Variants in NHLRC4 observed in about 807,000 individuals in gnomAD.
NHLRC4 encodes NHL-repeat-containing protein 4.
For synonymous variants in NHLRC4, 73 were observed against 69.0 expected, an observed-to-expected ratio of 1.06 and a Z score of -0.29; for missense variants, 158 against 155.4, an observed-to-expected ratio of 1.02 and a Z score of -0.09.
chr16:568,541 G>A lies in NHLRC4; in HGVS notation c.*122G>A. 2 of 1,131,764 alleles carry A rather than the reference G, an allele frequency of 1.8e-6. No individual in the cohort carries two copies. Among genetic ancestry groups the A allele is most frequent in the Non-Finnish European group, 2.5e-6 (2 of 811,152 alleles). 70.1% of individuals were successfully genotyped at this position (1,131,764 alleles called of 1,614,324 possible). A position where few individuals can be genotyped will look rare whatever the true frequency, so the allele number is the denominator to read the frequency against. Reference sequence around the variant, plus strand: ...AGGCTATGGGCATTGCCTGCCTGATGCCAGCACCACCTGGGCTGGGCCCTG... The same window carrying A: ...AGGCTATGGGCATTGCCTGCCTGATACCAGCACCACCTGGGCTGGGCCCTG... On this transcript the variant is annotated 3_prime_UTR_variant, in exon 2 of 2. Transcript: ENST00000424439.
chr16:569,470 T>G lies in NHLRC4; in HGVS notation c.*1051T>G, dbSNP rs757749762. ...GGACTAACTGCGCAATGTAGTTAGG[T>G]GCTCAATAAACGGAGTTGCCGCTGA... On this transcript the variant is annotated 3_prime_UTR_variant, in exon 2 of 2. Coordinates refer to ENST00000424439, the MANE Select transcript of NHLRC4 (RefSeq NM_001301159.2). The G allele has an allele frequency of 6.0e-6, 1 of 166,414 alleles. No individual in the cohort carries two copies. Among genetic ancestry groups the G allele is most frequent in the Non-Finnish European group, 1.5e-5 (1 of 68,160 alleles). The allele number at this position is 166,414 out of a possible 1,614,324, so 10.3% of individuals were successfully genotyped here. A position where few individuals can be genotyped will look rare whatever the true frequency, so the allele number is the denominator to read the frequency against.
chr16:568,038 C>A lies in NHLRC4; in HGVS notation c.-10C>A, dbSNP rs377522971. ...TGGGTCCTGCTTGGGAGCCCCTGGC[C>A]CCAGCCTCCATGCTGGGTCTGGAGG... On this transcript the variant is annotated 5_prime_UTR_variant, in exon 2 of 2. Transcript: ENST00000424439. The A allele has an allele frequency of 6.0e-5, 91 of 1,512,520 alleles. No individual in the cohort carries two copies. The highest frequency in any genetic ancestry group is 7.2e-5 in the Non-Finnish European group (82 of 1,135,932). The allele number at this position is 1,512,520 out of a possible 1,614,324, so 93.7% of individuals were successfully genotyped here.
In NHLRC4 at chr16:569,080, G is replaced by C. The variant is rs1327891340; in HGVS notation, c.*661G>C. 6.0e-6 allele frequency: 1 copy of C among 167,292 alleles called. No homozygotes were observed. The highest frequency in any genetic ancestry group is 1.5e-5 in the Non-Finnish European group (1 of 68,402). 10.4% of individuals were successfully genotyped at this position (167,292 alleles called of 1,614,324 possible). Reference sequence around the variant, plus strand: ...TTCCGCGTCCCCATGAATGAAAGCTGTCTGGGCCTTCATTCTGCAGACAGG... The same window carrying C: ...TTCCGCGTCCCCATGAATGAAAGCTCTCTGGGCCTTCATTCTGCAGACAGG... On this transcript the variant is annotated 3_prime_UTR_variant, in exon 2 of 2. Coordinates refer to ENST00000424439, the MANE Select transcript of NHLRC4 (RefSeq NM_001301159.2).
chr16:567,702 C>T lies in NHLRC4; in HGVS notation c.-346C>T. 4.2e-6 allele frequency: 1 copy of T among 236,884 alleles called. No individual in the cohort carries two copies. Among genetic ancestry groups the T allele is most frequent in the South Asian group, 8.4e-5 (1 of 11,880 alleles). The allele number at this position is 236,884 out of a possible 1,614,324, so 14.7% of individuals were successfully genotyped here. On this transcript the variant is annotated 5_prime_UTR_variant, in exon 2 of 2. Coordinates refer to ENST00000424439, the MANE Select transcript of NHLRC4 (RefSeq NM_001301159.2). ...ACTGCTCCCCCGATGGCCTGCTCTT[C>T]CTCACGGCCGGGGCTGCACCCTGTG...
At position 568,562 on chromosome 16, in the gene NHLRC4, C is replaced by A; in HGVS notation, c.*143C>A. 1 of 972,292 alleles carries A rather than the reference C, an allele frequency of 1.0e-6. No homozygotes were observed. The highest frequency in any genetic ancestry group is 1.5e-6 in the Non-Finnish European group (1 of 667,548). 60.2% of individuals were successfully genotyped at this position (972,292 alleles called of 1,614,324 possible). A position where few individuals can be genotyped will look rare whatever the true frequency, so the allele number is the denominator to read the frequency against. ...TGATGCCAGCACCACCTGGGCTGGG[C>A]CCTGGGCTTGGCTCGAGTTCTCCTG... On this transcript the variant is annotated 3_prime_UTR_variant, in exon 2 of 2. Coordinates refer to ENST00000424439, the MANE Select transcript of NHLRC4 (RefSeq NM_001301159.2).
rs2035574740 is a variant in NHLRC4 at position 568,881 on chromosome 16, G to T, written c.*462G>T. Reference sequence around the variant, plus strand: ...AGACAGGCAGGGAGGGTGTGGCTGGGCTGGGCTGGGCGGGGCGGCCTGGGG... The same window carrying T: ...AGACAGGCAGGGAGGGTGTGGCTGGTCTGGGCTGGGCGGGGCGGCCTGGGG... On this transcript the variant is annotated 3_prime_UTR_variant, in exon 2 of 2. Transcript: ENST00000424439. 6.0e-6 allele frequency: 1 copy of T among 167,808 alleles called. No individual in the cohort carries two copies. The highest frequency in any genetic ancestry group is 5.5e-5 in the Admixed American group (1 of 18,050). The allele number at this position is 167,808 out of a possible 1,614,324, so 10.4% of individuals were successfully genotyped here. A position where few individuals can be genotyped will look rare whatever the true frequency, so the allele number is the denominator to read the frequency against.
rs764314248 is a variant in NHLRC4, at chr16:567,783, G to C, written c.-265G>C. On this transcript the variant is annotated 5_prime_UTR_variant, in exon 2 of 2. Coordinates refer to ENST00000424439, the MANE Select transcript of NHLRC4 (RefSeq NM_001301159.2). Reference sequence around the variant, plus strand: ...TCTGCCTCCTGCCCTGCCGCACTCCGGGGAGCGGGGCCTTCGTTCCAGAGG... The same window carrying C: ...TCTGCCTCCTGCCCTGCCGCACTCCCGGGAGCGGGGCCTTCGTTCCAGAGG... 4.6e-4 allele frequency: 213 copies of C among 458,208 alleles called. No individual in the cohort carries two copies. The highest frequency in any genetic ancestry group is 7.4e-4 in the Non-Finnish European group (192 of 257,840). 28.4% of individuals were successfully genotyped at this position (458,208 alleles called of 1,614,324 possible).
Position 568,508 on chromosome 16 carries a change from G to A in NHLRC4, c.*89G>A. On this transcript the variant is annotated 3_prime_UTR_variant, in exon 2 of 2. Transcript: ENST00000424439. Reference sequence around the variant, plus strand: ...GCGGGAGGAACCCTCAGGATGGGTGGAGCCTCCAGGCTATGGGCATTGCCT... The same window carrying A: ...GCGGGAGGAACCCTCAGGATGGGTGAAGCCTCCAGGCTATGGGCATTGCCT... The A allele has an allele frequency of 2.1e-6, 3 of 1,408,176 alleles. No individual in the cohort carries two copies. In the South Asian group the frequency reaches 4.4e-5, roughly 20 times the overall value. 87.2% of individuals were successfully genotyped at this position (1,408,176 alleles called of 1,614,324 possible).
chr16:568,334 C>G lies in NHLRC4; in HGVS notation c.287C>G (p.Ala96Gly), dbSNP rs79767735. The G allele has an allele frequency of 2.0e-3, 3,267 of 1,611,312 alleles. 58 individuals carry two copies. The African/African-American group carries it at 0.038, about 19-fold the overall frequency. Residue 96 changes from alanine (A) to glycine (G), a missense_variant, in exon 2 of 2, where the codon GCC (alanine) becomes GGC (glycine). By Grantham distance (60) the Ala-to-Gly change is moderately conservative (BLOSUM62 0). Transcript: ENST00000424439. Reference sequence around the variant, plus strand: ...GGGCTTGGGCAGCCCTTGGGAGTGGCCTGTGCACCCCAGGGCCAGCTCCTG... The same window carrying G: ...GGGCTTGGGCAGCCCTTGGGAGTGGGCTGTGCACCCCAGGGCCAGCTCCTG... ...SEGLGQPLGV[A>G]CAPQGQLLVA... is the part of the protein sequence containing the mutation.
Position 568,574 on chromosome 16 carries a change from C to A in NHLRC4, c.*155C>A. 1 of 837,052 alleles carries A rather than the reference C, an allele frequency of 1.2e-6. No individual in the cohort carries two copies. Among genetic ancestry groups the A allele is most frequent in the Non-Finnish European group, 1.8e-6 (1 of 545,148 alleles). 51.9% of individuals were successfully genotyped at this position (837,052 alleles called of 1,614,324 possible). A position where few individuals can be genotyped will look rare whatever the true frequency, so the allele number is the denominator to read the frequency against. On this transcript the variant is annotated 3_prime_UTR_variant, in exon 2 of 2. Coordinates refer to ENST00000424439, the MANE Select transcript of NHLRC4 (RefSeq NM_001301159.2). ...CACCTGGGCTGGGCCCTGGGCTTGGCTCGAGTTCTCCTGCTGGTGAGGCTC... is the reference window on the plus strand; with the variant it reads ...CACCTGGGCTGGGCCCTGGGCTTGGATCGAGTTCTCCTGCTGGTGAGGCTC...
rs2035557735 is a variant in NHLRC4 at position 567,928 on chromosome 16, C to T, written c.-120C>T. The T allele has an allele frequency of 1.8e-6, 2 of 1,127,074 alleles. No individual in the cohort carries two copies. The highest frequency in any genetic ancestry group is 3.0e-5 in the Admixed American group (1 of 33,832). 69.8% of individuals were successfully genotyped at this position (1,127,074 alleles called of 1,614,324 possible). On this transcript the variant is annotated 5_prime_UTR_variant, in exon 2 of 2. Coordinates refer to ENST00000424439, the MANE Select transcript of NHLRC4 (RefSeq NM_001301159.2). Reference sequence around the variant, plus strand: ...CCACTGGGTGACAGTGGGCACCTTCCTGTCTCCCCGAGGGCTGGCTGTGGA... The same window carrying T: ...CCACTGGGTGACAGTGGGCACCTTCTTGTCTCCCCGAGGGCTGGCTGTGGA...
chr16:568,762 C>T lies in NHLRC4; in HGVS notation c.*343C>T, dbSNP rs928629130. ...CCCTGTGCCTGGACTTTGGGGCTGG[C>T]AGCTGAAGCCTTGAGATCCTGGGCC... On this transcript the variant is annotated 3_prime_UTR_variant, in exon 2 of 2. Transcript: ENST00000424439. 9 of 251,424 alleles carry T rather than the reference C, an allele frequency of 3.6e-5. No individual in the cohort carries two copies. The South Asian group carries it at 6.3e-4, about 18-fold the overall frequency. The allele number at this position is 251,424 out of a possible 1,614,324, so 15.6% of individuals were successfully genotyped here.
rs1596377904 is a variant in NHLRC4, at chr16:567,456, C to T, written c.-577-15C>T. 1 of 154,464 alleles carries T rather than the reference C, an allele frequency of 6.5e-6. No homozygotes were observed. Among genetic ancestry groups the T allele is most frequent in the South Asian group, 2.0e-4 (1 of 4,920 alleles). The allele number at this position is 154,464 out of a possible 1,614,324, so 9.6% of individuals were successfully genotyped here. A position where few individuals can be genotyped will look rare whatever the true frequency, so the allele number is the denominator to read the frequency against. On this transcript the variant is annotated splice_polypyrimidine_tract_variant and intron_variant, in intron 1 of 1. Transcript: ENST00000424439. ...GAAGAAACTGGAGGAGTGACTTTGC[C>T]ATTCCCACACACAGTGGGGCCTTAT...
intron 1 of NHLRC4, 66 bp downstream of exon 1, chr16:567,141 C>G (rs1057385298): frequency 1.3e-5 from 2 of 154,040 alleles, no homozygotes; most frequent in Non-Finnish European, 2.9e-5. Flanking sequence ...TAGGCTGCCT[C>G]GCCCCTAAGG....
At position 568,687 on chromosome 16, in the gene NHLRC4, C is replaced by A; in HGVS notation, c.*268C>A. On this transcript the variant is annotated 3_prime_UTR_variant, in exon 2 of 2. Coordinates refer to ENST00000424439, the MANE Select transcript of NHLRC4 (RefSeq NM_001301159.2). ...CCAGCCAGGGCTGCTCTCTGCTGTC[C>A]CCATTCAGTGCCCTGGCCCCTGCAT... is the stretch of plus-strand genomic sequence containing the variant. 1 of 509,534 alleles carries A rather than the reference C, an allele frequency of 2.0e-6. No homozygotes were observed. The highest frequency in any genetic ancestry group is 5.3e-4 in the Middle Eastern group (1 of 1,886). 31.6% of individuals were successfully genotyped at this position (509,534 alleles called of 1,614,324 possible).
Position 568,494 on chromosome 16 carries a change from C to A in NHLRC4, c.*75C>A. ...GCCCTTGGATCACCGCGGGAGGAAC[C>A]CTCAGGATGGGTGGAGCCTCCAGGC... On this transcript the variant is annotated 3_prime_UTR_variant, in exon 2 of 2. Coordinates refer to ENST00000424439, the MANE Select transcript of NHLRC4 (RefSeq NM_001301159.2). 6.8e-7 allele frequency: 1 copy of A among 1,464,752 alleles called. No homozygotes were observed. Among genetic ancestry groups the A allele is most frequent in the African/African-American group, 1.4e-5 (1 of 70,864 alleles). The allele number at this position is 1,464,752 out of a possible 1,614,324, so 90.7% of individuals were successfully genotyped here. A position where few individuals can be genotyped will look rare whatever the true frequency, so the allele number is the denominator to read the frequency against.
rs2035570203 is a variant in NHLRC4, at chr16:568,604, T to C, written c.*185T>C. 3 of 678,996 alleles carry C rather than the reference T, an allele frequency of 4.4e-6. No homozygotes were observed. The highest frequency in any genetic ancestry group is 3.7e-5 in the African/African-American group (2 of 54,610). 42.1% of individuals were successfully genotyped at this position (678,996 alleles called of 1,614,324 possible). On this transcript the variant is annotated 3_prime_UTR_variant, in exon 2 of 2. Transcript: ENST00000424439. ...GTTCTCCTGCTGGTGAGGCTCCGGA[T>C]CTCAGGAGCAGCCCTGAGTCTGCTT...
chr16:568,109 G>A lies in NHLRC4; in HGVS notation c.62G>A (p.Ser21Asn), dbSNP rs199520544. Residue 21 changes from serine to asparagine, a missense_variant, in exon 2 of 2, where the codon AGT (serine) becomes AAT (asparagine). By Grantham distance (46) the Ser-to-Asn change is conservative (BLOSUM62 1). Coordinates refer to ENST00000424439, the MANE Select transcript of NHLRC4 (RefSeq NM_001301159.2). ...GGGCCTGATGGGGGCCTTGCTGTGA[G>A]TGAGGAGTTTGGGGATGTGAGGCTG... ...GPGPDGGLAV[S>N]EEFGDVRLFG... 2.5e-6 allele frequency: 4 copies of A among 1,587,276 alleles called. No homozygotes were observed. The highest frequency in any genetic ancestry group is 1.3e-5 in the African/African-American group (1 of 74,566).
rs183394376 is a variant in NHLRC4, at chr16:567,687, C to T, written c.-361C>T. 982 of 218,496 alleles carry T rather than the reference C, an allele frequency of 4.5e-3. 12 individuals carry two copies. The highest frequency in any genetic ancestry group is 4.3e-3 in the Non-Finnish European group (462 of 108,148). 13.5% of individuals were successfully genotyped at this position (218,496 alleles called of 1,614,324 possible). ...GGCCCCGGGGCCTGCACTGCTCCCC[C>T]GATGGCCTGCTCTTCCTCACGGCCG... On this transcript the variant is annotated 5_prime_UTR_variant, in exon 2 of 2. Transcript: ENST00000424439.
Sources: gnomAD v4.1 joint callset for allele counts on GRCh38, gnomAD v4.1.1 for gene constraint, MANE v1.5 for transcripts, NCBI Gene and HGNC (gene_info 2026-07-23, HGNC 2026-07-21) for gene names.